The following ZNF568 variants were observed in gnomAD, a reference collection of about 807,000 sequenced individuals.
ZNF568 encodes zinc finger protein 568, also known as p53 inhibitor of SCO2 activation.
A neutral mutation model predicts 18.1 loss-of-function variants in ZNF568; 11 were observed. The ratio of observed to expected loss-of-function variants is 0.61; its 90% CI spans 0.38 to 1.00. The LOEUF is 1.00. Among genes scored for constraint, ZNF568 ranks in the 50% least tolerant of loss-of-function variants. The pLI is 0.01. For missense variants in ZNF568, 639 were observed against 768.2 expected (o/e 0.83, Z 1.99); for synonymous variants, 213 against 246.6 (o/e 0.86, Z 1.28).
At chr19:36,954,454 C>T (rs911666266), downstream of ZNF568, among the ~76,000 whole-genome samples, 1 of 152,138 alleles carries the variant, frequency 6.6e-6, no homozygotes, top group Non-Finnish European at 1.5e-5. Flanking sequence ...TCAGTGAAAA[C>T]AATGACAACT....
chr19:36,948,241 A>G (rs534532813), intron 6 of ZNF568, among the ~76,000 whole-genome samples: 18 of 152,164 alleles, frequency 1.2e-4, no homozygotes, highest in East Asian at 3.9e-4. Flanking sequence ...GCCTTTTCCA[A>G]TGGGTTTCTT....
intron 2 of ZNF568, among the ~76,000 whole-genome samples, chr19:36,986,863 C>G (rs2074380786): frequency 6.6e-6 from 1 of 152,134 alleles, no homozygotes; most frequent in Admixed American, 6.5e-5. Context: ...TTCCGCTCCC[C>G]TAAGTGCAGG....
At chr19:36,972,149 A>G (rs2074241237) in intron 6 of ZNF568, among the ~76,000 whole-genome samples, 1 of 152,074 alleles carries the variant, frequency 6.6e-6, no homozygotes, top group African/African-American at 2.4e-5. Context: ...ATTTTTAAAT[A>G]CAGTATTTAT....
chr19:36,939,532 CTTTT>C lies in ZNF568; in HGVS notation c.358+2312_358+2315del, dbSNP rs386388962. 3.0e-4 allele frequency among the ~76,000 whole-genome samples: 28 copies of C among 93,060 alleles called. No homozygotes were observed. The East Asian group carries it at 4.2e-3, about 14-fold the overall frequency. The allele number at this position is 93,060 out of a possible 152,430, so 61.1% of individuals were successfully genotyped here. On this transcript the variant is annotated intron_variant, in intron 6 of 6. Coordinates refer to ENST00000333987, the MANE Select transcript of ZNF568 (RefSeq NM_198539.4). ...GGTTCATTGAAGATGTATTTTCTTT[CTTTT>C]TTTTTTTTTTTTTTTTTTTTTGAGA...
chr19:36,986,369 T>C (rs189251141), intron 2 of ZNF568, among the ~76,000 whole-genome samples: 201 of 152,210 alleles, frequency 1.3e-3, no homozygotes, highest in Non-Finnish European at 2.4e-3. Context: ...CTCCTTAATA[T>C]CATGAATGTC....
At chr19:36,994,826 C>A in intron 4 of ZNF568, among the ~76,000 whole-genome samples, 1 of 152,040 alleles carries the variant, frequency 6.6e-6, no homozygotes, top group East Asian at 1.9e-4. Flanking sequence ...TGCCCGCCAC[C>A]ACACCCAGCT....
chr19:36,984,970 A>G (rs1445583109), intron 2 of ZNF568, among the ~76,000 whole-genome samples: 2 of 103,852 alleles, frequency 1.9e-5, no homozygotes, highest in African/African-American at 4.2e-5. Context: ...GAATAATGCC[A>G]ATTCTGAAAA....
At chr19:36,991,479 T>C (rs542387710) in intron 3 of ZNF568, 76 of 832,684 alleles carry the variant, frequency 9.1e-5, no homozygotes, top group Non-Finnish European at 1.1e-4. Flanking sequence ...AATTGGCTGT[T>C]CCAGCAGGCA....
chr19:36,917,320 T>G (rs1423019846), intron 1 of ZNF568, among the ~76,000 whole-genome samples: 1 of 152,322 alleles, frequency 6.6e-6, no homozygotes, highest in Admixed American at 6.5e-5. Context: ...CCAGAGCAAG[T>G]CACATGGCTA....
chr19:36,978,455 T>TC (rs2074303245), intron 7 of ZNF568, among the ~76,000 whole-genome samples: 1 of 152,144 alleles, frequency 6.6e-6, no homozygotes. Context: ...CCTTCTTACC[T>TC]CCATCTTCTG....
rs773689819 is a variant in ZNF568 at position 36,950,340 on chromosome 19, G to T, written c.1187G>T (p.Gly396Val). ...GEKPYKCNKC[G>V]KAFSQCSVFI... is the part of the protein sequence containing the mutation. The stretch of plus-strand genomic sequence containing the variant: ...AAACCCTATAAATGTAATAAATGTG[G>T]AAAAGCTTTCTCTCAATGCTCAGTA... Residue 396 changes from glycine (G) to valine (V), a missense_variant, in exon 7 of 7, where the codon GGA (glycine) becomes GTA (valine). Gly to Val is a moderately radical substitution (Grantham distance 109). Coordinates refer to ENST00000333987, the MANE Select transcript of ZNF568 (RefSeq NM_198539.4). 6 of 1,613,740 alleles carry T rather than the reference G, an allele frequency of 3.7e-6. No individual in the cohort carries two copies. In the African/African-American group the frequency reaches 8.0e-5, roughly 22 times the overall value.
intron 3 of ZNF568, among the ~76,000 whole-genome samples, chr19:36,924,595 G>A (rs2073519221): frequency 1.3e-5 from 2 of 149,194 alleles, no homozygotes; most frequent in Admixed American, 6.6e-5. Context: ...TTGGGAGGCC[G>A]AGGCAAATGG....
At chr19:36,988,771 T>C (rs2074398465) in intron 2 of ZNF568, among the ~76,000 whole-genome samples, 1 of 152,210 alleles carries the variant, frequency 6.6e-6, no homozygotes, top group African/African-American at 2.4e-5. Flanking sequence ...GATGTTTCAG[T>C]ACATATCTAT....
chr19:36,996,954 A>G, exon 5 of ZNF568: 1 of 1,538,998 alleles, frequency 6.5e-7, no homozygotes, highest in Non-Finnish European at 8.7e-7. Context: ...CTGATGAGAA[A>G]TACTATGAAA....
chr19:36,993,470 C>G (rs1466848865), intron 4 of ZNF568, among the ~76,000 whole-genome samples: 1 of 152,044 alleles, frequency 6.6e-6, no homozygotes, highest in Non-Finnish European at 1.5e-5. Flanking sequence ...TTGAAGTGTT[C>G]ATGGAGGATT....
At chr19:36,987,976 G>T (rs1175846063) in intron 2 of ZNF568, among the ~76,000 whole-genome samples, 1 of 152,028 alleles carries the variant, frequency 6.6e-6, no homozygotes, top group African/African-American at 2.4e-5. Flanking sequence ...AAATCCCCAT[G>T]ACTTGCTTTT....
rs373298791 is a variant in ZNF568, at chr19:36,925,146, A to G, written c.77-54A>G. 54 of 1,549,144 alleles carry G rather than the reference A, an allele frequency of 3.5e-5. 1 individual carries two copies. Among genetic ancestry groups the G allele is most frequent in the African/African-American group, 2.2e-4 (16 of 73,666 alleles). On this transcript the variant is annotated intron_variant, in intron 3 of 6. Transcript: ENST00000333987. Reference sequence around the variant, plus strand: ...TAGCCACCTGGTACTGAAGATTTCTATATTCCTTTGTCTGAAACTTTGAAG... The same window carrying G: ...TAGCCACCTGGTACTGAAGATTTCTGTATTCCTTTGTCTGAAACTTTGAAG...
downstream of ZNF568, among the ~76,000 whole-genome samples, chr19:36,956,470 T>C (rs1247286077): frequency 5.9e-5 from 9 of 152,192 alleles, no homozygotes; most frequent in Non-Finnish European, 1.3e-4. Flanking sequence ...TCCTTACTGC[T>C]GATGTTCCCA....
intron 4 of ZNF568, among the ~76,000 whole-genome samples, chr19:36,995,450 C>G (rs892221172): frequency 6.6e-6 from 1 of 152,090 alleles, no homozygotes; most frequent in Admixed American, 6.5e-5. Flanking sequence ...ATTGCATATA[C>G]TTGGATCACT....
Sources: allele counts gnomAD v4.1 joint callset (sites outside exome capture counted in the v4.1 genomes callset), GRCh38; gene constraint gnomAD v4.1.1; transcripts MANE v1.5; gene names NCBI Gene and HGNC (gene_info 2026-07-23, HGNC 2026-07-21).